The following BCR variants were observed in gnomAD, a reference collection of about 807,000 sequenced individuals.
BCR encodes the protein BCR activator of RhoGEF and GTPase, also known as breakpoint cluster region protein.
BCR carries 58 observed loss-of-function variants against 138.6 expected under a neutral mutation model. The observed-to-expected ratio is 0.42, with a 90% confidence interval of 0.34 to 0.52. The LOEUF (loss-of-function observed/expected upper bound fraction) is 0.52, where lower values mean the gene tolerates loss of function less well. Among genes scored for constraint, BCR ranks in the 20% least tolerant of loss-of-function variants. The probability of loss-of-function intolerance (pLI) is 0.06; values close to 1 mark genes in which losing one functional copy is unlikely to be tolerated. For synonymous variants in BCR, 786 were observed against 730.1 expected (o/e 1.08, Z -1.23); for missense variants, 1,599 against 1,727.2 (o/e 0.93, Z 1.32).
intron 16 of BCR, among the ~76,000 whole-genome samples, chr22:23,301,766 C>A (rs145164483): frequency 2.6e-5 from 4 of 152,322 alleles, no homozygotes; most frequent in Admixed American, 2.0e-4. Flanking sequence ...GGGACCCCCC[C>A]GCCAGGCATG....
intron 5 of BCR, among the ~76,000 whole-genome samples, chr22:23,269,577 A>ACAGT (rs1479189579): frequency 6.6e-6 from 1 of 152,082 alleles, no homozygotes; most frequent in Admixed American, 6.5e-5. Context: ...TCCAGTGGTG[A>ACAGT]CAGTACCTGC....
intron 14 of BCR, among the ~76,000 whole-genome samples, chr22:23,291,982 C>T (rs543727162): frequency 2.0e-5 from 3 of 152,304 alleles, no homozygotes; most frequent in South Asian, 2.1e-4. Context: ...TGCAACTTAC[C>T]GCCCACAGCC....
rs561460853 is a variant in BCR, at chr22:23,293,587, G to A, written c.2880+949G>A. ...GTATAAGAGCCACAGGGGATCCATCGAAGAAGCCTTTGCAGAGACCAAGAG... is the reference window on the plus strand; with the variant it reads ...GTATAAGAGCCACAGGGGATCCATCAAAGAAGCCTTTGCAGAGACCAAGAG... On this transcript the variant is annotated intron_variant, in intron 15 of 22. Coordinates refer to ENST00000305877, the MANE Select transcript of BCR (RefSeq NM_004327.4). Among the ~76,000 whole-genome samples, 7 of 152,280 alleles carry A rather than the reference G, an allele frequency of 4.6e-5. No individual in the cohort carries two copies. In the East Asian group the frequency reaches 1.2e-3, roughly 25 times the overall value.
At chr22:23,279,701 A>C (rs545349138) in intron 8 of BCR, among the ~76,000 whole-genome samples, 12 of 152,348 alleles carry the variant, frequency 7.9e-5, no homozygotes, top group African/African-American at 2.9e-4. Context: ...CTCACCAGTC[A>C]AGGCCCTGCT....
chr22:23,233,198 G>A lies in BCR; in HGVS notation c.1280-20601G>A, dbSNP rs150848803. 2.1e-3 allele frequency among the ~76,000 whole-genome samples: 320 copies of A among 152,300 alleles called. 1 individual carries two copies. The highest frequency in any genetic ancestry group is 2.3e-3 in the Non-Finnish European group (156 of 68,020). ...TCCCCTGTGGGCCCCAGTGCCTGTAGTTCCATCTCCTGCCTGGATGCTCGG... is the reference window on the plus strand; with the variant it reads ...TCCCCTGTGGGCCCCAGTGCCTGTAATTCCATCTCCTGCCTGGATGCTCGG... On this transcript the variant is annotated intron_variant, in intron 1 of 22. Transcript: ENST00000305877.
Position 23,312,895 on chromosome 22 carries a change from G to A in BCR, c.3331G>A (p.Asp1111Asn), listed in dbSNP as rs1323699916. 1.3e-5 allele frequency: 21 copies of A among 1,596,180 alleles called. No individual in the cohort carries two copies. The highest frequency in any genetic ancestry group is 2.2e-4 in the Middle Eastern group (1 of 4,446). Residue 1111 changes from aspartate (D) to asparagine (N), a missense_variant, in exon 20 of 23, where the codon GAC becomes AAC. This residue lies in a region of BCR where 177 missense variants were observed against 226.4 expected (regional missense o/e 0.78). Coordinates refer to ENST00000305877, the MANE Select transcript of BCR (RefSeq NM_004327.4). ...TTCCGTGCTCTTTCCAGATAACAAG[G>A]ACGTGTCGGTGATGATGAGCGAGAT... is the stretch of plus-strand genomic sequence containing the variant. ...LKAAFDVNNK[D>N]VSVMMSEMDV...
chr22:23,200,752 G>T (rs59874692), intron 1 of BCR, among the ~76,000 whole-genome samples: 324 of 151,946 alleles, frequency 2.1e-3, no homozygotes, highest in African/African-American at 6.3e-3. Flanking sequence ...TAGAGATGAG[G>T]TGTCTTCATG....
At chr22:23,221,179 T>G (rs1449373838) in intron 1 of BCR, among the ~76,000 whole-genome samples, 2 of 152,188 alleles carry the variant, frequency 1.3e-5, no homozygotes, top group Non-Finnish European at 2.9e-5. Flanking sequence ...GCTCCCTCTT[T>G]TACAAATTGG....
chr22:23,181,509 C>T lies in BCR; in HGVS notation c.549C>T (p.His183=), dbSNP rs959635811. Residue 183 remains histidine (H), a synonymous_variant, in exon 1 of 23, where the codon CAC becomes CAT. Transcript: ENST00000305877. Reference sequence around the variant, plus strand: ...CCTTCTACGTGAACGTCGAGTTTCACCACGAGCGCGGCCTGGTGAAGGTCA... The same window carrying T: ...CCTTCTACGTGAACGTCGAGTTTCATCACGAGCGCGGCCTGGTGAAGGTCA... ...EKPFYVNVEF[H]HERGLVKVND... is the part of the protein sequence containing the mutation. The T allele has an allele frequency of 1.2e-6, 2 of 1,612,478 alleles. No homozygotes were observed. The highest frequency in any genetic ancestry group is 8.5e-7 in the Non-Finnish European group (1 of 1,179,578).
intron 1 of BCR, among the ~76,000 whole-genome samples, chr22:23,212,290 G>T (rs1248231220): frequency 6.6e-6 from 1 of 152,200 alleles, no homozygotes; most frequent in African/African-American, 2.4e-5. Context: ...CACTGGGTTT[G>T]TACAGGAGGG....
At chr22:23,253,376 T>C (rs2073253702) in intron 1 of BCR, among the ~76,000 whole-genome samples, 1 of 152,008 alleles carries the variant, frequency 6.6e-6, no homozygotes, top group Admixed American at 6.6e-5. Flanking sequence ...TGTGGTTGGT[T>C]CTCCCGGCAA....
intron 1 of BCR, among the ~76,000 whole-genome samples, chr22:23,184,478 AT>A: frequency 6.6e-6 from 1 of 152,122 alleles, no homozygotes; most frequent in Admixed American, 6.5e-5. Context: ...TTAAGACTTA[AT>A]TTTTTTAGAG....
intron 8 of BCR, 65 bp from the exon 9 acceptor site, chr22:23,283,912 G>A: frequency 6.7e-7 from 1 of 1,481,980 alleles, no homozygotes; most frequent in Non-Finnish European, 9.0e-7. Context: ...TGGGCTGGGA[G>A]GGCCGAACAC....
At chr22:23,299,134 C>G (rs1205829365) in intron 16 of BCR, among the ~76,000 whole-genome samples, 1 of 145,738 alleles carries the variant, frequency 6.9e-6, no homozygotes, top group East Asian at 1.9e-4. Flanking sequence ...GTAGCCGGGA[C>G]TACAGGCGCC....
chr22:23,242,483 C>A (rs954829360), intron 1 of BCR, among the ~76,000 whole-genome samples: 1 of 152,122 alleles, frequency 6.6e-6, no homozygotes, highest in Non-Finnish European at 1.5e-5. Context: ...TGTAGCCATC[C>A]GGTGTATTTT....
chr22:23,308,946 A>G (rs903945517), intron 16 of BCR, among the ~76,000 whole-genome samples: 1 of 152,168 alleles, frequency 6.6e-6, no homozygotes, highest in Non-Finnish European at 1.5e-5. Flanking sequence ...ATTCTGAACC[A>G]TGGGACTGGT....
intron 4 of BCR, chr22:23,263,411 G>A (rs1448914787): frequency 7.9e-7 from 1 of 1,272,602 alleles, no homozygotes; most frequent in Non-Finnish European, 1.1e-6. Context: ...TCCCAGTGAA[G>A]GTGTCTCAGA....
chr22:23,306,161 G>T (rs555636894), intron 16 of BCR: 1 of 152,386 alleles, frequency 6.6e-6, no homozygotes, highest in East Asian at 1.9e-4. Context: ...GTGAGAGCCA[G>T]TGCCTGGAGG....
intron 8 of BCR, among the ~76,000 whole-genome samples, chr22:23,274,514 G>T (rs868225480): frequency 6.6e-6 from 1 of 152,178 alleles, no homozygotes; most frequent in Non-Finnish European, 1.5e-5. Flanking sequence ...GCACTGAGGC[G>T]AGGGGAGCTG....
Sources: gnomAD v4.1 joint callset for allele counts (sites outside exome capture counted in the v4.1 genomes callset) on GRCh38, gnomAD v4.1.1 for gene constraint, gnomAD v4.1.1 regional missense constraint, MANE v1.5 for transcripts, NCBI Gene and HGNC (gene_info 2026-07-23, HGNC 2026-07-21) for gene names.